The following PPP3CC variants were observed in gnomAD, a reference collection of about 807,000 sequenced individuals.
The protein encoded by PPP3CC is serine/threonine-protein phosphatase 2B catalytic subunit gamma isoform.
A neutral mutation model predicts 60.3 loss-of-function variants in PPP3CC; 35 were observed. That is an observed-to-expected ratio of 0.58 (90% CI 0.44 to 0.77). PPP3CC has a LOEUF of 0.77. Among genes scored for constraint, PPP3CC ranks in the 30% least tolerant of loss-of-function variants. The pLI is 0.00. For missense variants in PPP3CC, 570 were observed against 628.9 expected (o/e 0.91, Z 1.00); for synonymous variants, 206 against 224.3 (o/e 0.92, Z 0.73).
At chr8:22,521,300 G>A (rs1839398782) in intron 6 of PPP3CC, among the ~76,000 whole-genome samples, 1 of 152,216 alleles carries the variant, frequency 6.6e-6, no homozygotes, top group Non-Finnish European at 1.5e-5. Context: ...GCTGCTTTGA[G>A]TCTGCAGTTG....
chr8:22,457,134 G>A (rs1217990767), intron 1 of PPP3CC, among the ~76,000 whole-genome samples: 1 of 144,098 alleles, frequency 6.9e-6, no homozygotes, highest in Admixed American at 7.1e-5. Flanking sequence ...TCAATATTCT[G>A]TAATATTGAA....
chr8:22,514,036 A>C (rs1283741038), intron 6 of PPP3CC, among the ~76,000 whole-genome samples: 1 of 152,172 alleles, frequency 6.6e-6, no homozygotes, highest in African/African-American at 2.4e-5. Flanking sequence ...ACTTAAGGCC[A>C]GGAGTTCGAG....
chr8:22,470,410 A>C (rs75225800), intron 1 of PPP3CC, among the ~76,000 whole-genome samples: 6,567 of 152,266 alleles, frequency 0.043, 486 homozygotes, highest in African/African-American at 0.15. Flanking sequence ...ATATTCAAAA[A>C]CAAAGTTTAA....
intron 5 of PPP3CC, among the ~76,000 whole-genome samples, chr8:22,511,851 C>T (rs1192284621): frequency 2.0e-5 from 3 of 152,178 alleles, no homozygotes; most frequent in Non-Finnish European, 2.9e-5. Context: ...CTGCCATTAA[C>T]TGTGTAACCT....
At chr8:22,449,348 C>T (rs1216946187) in intron 1 of PPP3CC, among the ~76,000 whole-genome samples, 1 of 143,010 alleles carries the variant, frequency 7.0e-6, no homozygotes, top group Non-Finnish European at 1.5e-5. Flanking sequence ...ACTTGGGAGG[C>T]TGAGGTGGGA....
intron 4 of PPP3CC, among the ~76,000 whole-genome samples, chr8:22,498,423 G>A (rs920250626): frequency 6.6e-5 from 10 of 151,930 alleles, no homozygotes; most frequent in Admixed American, 1.3e-4. Flanking sequence ...CAGCCTGGGC[G>A]ACAAAGCAAG....
At chr8:22,534,346 C>T (rs1393984688) in intron 12 of PPP3CC, among the ~76,000 whole-genome samples, 1 of 151,664 alleles carries the variant, frequency 6.6e-6, no homozygotes, top group East Asian at 1.9e-4. Flanking sequence ...CACTTGAGGC[C>T]AGGAGTTTGA....
At chr8:22,484,715 A>C (rs906327192) in intron 3 of PPP3CC, among the ~76,000 whole-genome samples, 1 of 152,214 alleles carries the variant, frequency 6.6e-6, no homozygotes, top group African/African-American at 2.4e-5. Flanking sequence ...CATTCCTTTT[A>C]CTGTGGGCAG....
intron 1 of PPP3CC, among the ~76,000 whole-genome samples, chr8:22,473,306 T>C (rs1233566600): frequency 6.6e-6 from 1 of 152,142 alleles, no homozygotes; most frequent in Admixed American, 6.6e-5. Context: ...GTAGACTGTG[T>C]TATAAAGTAG....
At chr8:22,464,693 T>G (rs1362359720) in intron 1 of PPP3CC, among the ~76,000 whole-genome samples, 1 of 152,168 alleles carries the variant, frequency 6.6e-6, no homozygotes, top group Non-Finnish European at 1.5e-5. Context: ...TGGACTACTT[T>G]TTGCTTTTTG....
Position 22,540,792 on chromosome 8 carries a change from C to A in PPP3CC, c.1529C>A (p.Ala510Asp), listed in dbSNP as rs1180970556. The change falls in exon 14 of 14, where the codon GCC (alanine) becomes GAC (aspartate). Residue 510 changes from alanine to aspartate, a missense_variant. Ala to Asp is a moderately radical substitution (Grantham distance 126, BLOSUM62 -2). Coordinates refer to ENST00000240139, the MANE Select transcript of PPP3CC (RefSeq NM_005605.5). ...CACAGGAGCGACCAAGGGAAGAAAGCCCATTCATGACTTAGAGTCCTGCCG... is the reference window on the plus strand; with the variant it reads ...CACAGGAGCGACCAAGGGAAGAAAGACCATTCATGACTTAGAGTCCTGCCG... ...AAHRSDQGKK[A>D]HS The A allele has an allele frequency of 1.2e-6, 2 of 1,610,066 alleles. No homozygotes were observed. Among genetic ancestry groups the A allele is most frequent in the Non-Finnish European group, 1.7e-6 (2 of 1,178,076 alleles).
chr8:22,494,138 G>A (rs1168307030), intron 3 of PPP3CC, among the ~76,000 whole-genome samples: 1 of 152,164 alleles, frequency 6.6e-6, no homozygotes, highest in Non-Finnish European at 1.5e-5. Flanking sequence ...ATAGGCCTCT[G>A]TATTAGTTCT....
Position 22,540,705 on chromosome 8 carries a change from A to G in PPP3CC, c.1442A>G (p.Lys481Arg), listed in dbSNP as rs1371017260. ...DRINERMPPR[K>R]DSIHAGGPMK... Reference sequence around the variant, plus strand: ...ATTAATGAGCGAATGCCACCCCGAAAGGATAGCATACACGCTGGTGGGCCA... The same window carrying G: ...ATTAATGAGCGAATGCCACCCCGAAGGGATAGCATACACGCTGGTGGGCCA... Residue 481 changes from lysine to arginine, a missense_variant, in exon 14 of 14, where the codon AAG (lysine) becomes AGG (arginine). By Grantham distance (26) the Lys-to-Arg change is conservative (BLOSUM62 2). Transcript: ENST00000240139. The G allele has an allele frequency of 1.2e-6, 2 of 1,614,146 alleles. No individual in the cohort carries two copies. Among genetic ancestry groups the G allele is most frequent in the Non-Finnish European group, 1.7e-6 (2 of 1,179,986 alleles).
intron 1 of PPP3CC, among the ~76,000 whole-genome samples, chr8:22,443,028 C>G (rs1836719231): frequency 6.6e-6 from 1 of 152,150 alleles, no homozygotes; most frequent in Non-Finnish European, 1.5e-5. Context: ...TAAGCCAGAA[C>G]TGTGGGTCAA....
At chr8:22,501,242 C>G (rs1477397041) in intron 4 of PPP3CC, among the ~76,000 whole-genome samples, 1 of 152,108 alleles carries the variant, frequency 6.6e-6, no homozygotes, top group Non-Finnish European at 1.5e-5. Context: ...AGTGCATGTC[C>G]CCTTGATCTA....
rs943857331 is a variant in PPP3CC at position 22,541,042 on chromosome 8, A to G, written c.*240A>G. 3.4e-6 allele frequency: 1 copy of G among 291,472 alleles called. No individual in the cohort carries two copies. The highest frequency in any genetic ancestry group is 5.0e-5 in the Admixed American group (1 of 19,804). The allele number at this position is 291,472 out of a possible 1,614,324, so 18.1% of individuals were successfully genotyped here. ...TTTTTCTCCATAATTTTAAGAAATG[A>G]ATCTGATTGTTGTCAACACATTTGT... On this transcript the variant is annotated 3_prime_UTR_variant, in exon 14 of 14. Transcript: ENST00000240139.
intron 4 of PPP3CC, among the ~76,000 whole-genome samples, chr8:22,502,384 A>G (rs1838787194): frequency 1.3e-5 from 2 of 152,244 alleles, no homozygotes; most frequent in African/African-American, 4.8e-5. Flanking sequence ...AATGCTAGGC[A>G]GCTATTGAAA....
intron 8 of PPP3CC, among the ~76,000 whole-genome samples, chr8:22,523,277 T>C (rs1357370913): frequency 6.6e-6 from 1 of 152,182 alleles, no homozygotes; most frequent in Admixed American, 6.5e-5. Flanking sequence ...CTTTCTAATC[T>C]TCAGTTTCCC....
chr8:22,517,259 G>A (rs1178412127), intron 6 of PPP3CC, among the ~76,000 whole-genome samples: 1 of 152,174 alleles, frequency 6.6e-6, no homozygotes, highest in East Asian at 1.9e-4. Flanking sequence ...ATGTTGTTGA[G>A]TTTGGCTTTC....
Sources: allele counts gnomAD v4.1 joint callset (sites outside exome capture counted in the v4.1 genomes callset), GRCh38; gene constraint gnomAD v4.1.1; transcripts MANE v1.5; gene names NCBI Gene and HGNC (gene_info 2026-07-23, HGNC 2026-07-21).